The following RASSF3 variants were observed in gnomAD, a reference collection of about 807,000 sequenced individuals.
RASSF3 encodes Ras association domain family member 3, also known as ras association domain-containing protein 3.
In RASSF3, 19 loss-of-function variants were observed where a neutral mutation model predicts 19.9. The ratio of observed to expected loss-of-function variants is 0.96; its 90% CI spans 0.67 to 1.40. The LOEUF (loss-of-function observed/expected upper bound fraction) is 1.40, where lower values mean the gene tolerates loss of function less well. Ranked by LOEUF, RASSF3 falls within the 40% of genes most tolerant of loss-of-function variation. The pLI is 0.00. For synonymous variants in RASSF3, 110 were observed against 104.2 expected, an observed-to-expected ratio of 1.06 and a Z score of -0.34; for missense variants, 306 against 289.8, an observed-to-expected ratio of 1.06 and a Z score of -0.41.
At position 64,688,449 on chromosome 12, in the gene RASSF3, C is replaced by A. The variant is rs1329676022; in HGVS notation, c.453C>A (p.Asp151Glu). The A allele has an allele frequency of 1.2e-6, 2 of 1,606,856 alleles. No individual in the cohort carries two copies. Among genetic ancestry groups the A allele is most frequent in the South Asian group, 1.1e-5 (1 of 90,930 alleles). Residue 151 changes from aspartate to glutamate, a missense_variant, in exon 3 of 5, where the codon GAC becomes GAA. Transcript: ENST00000542104. ...FALYKRCHRE[D>E]QVYACKLSDR... ...TTTATAAGCGTTGTCACAGGGAAGA[C>A]CAAGGTACGCTGCCAGCTTAAAAGG...
intron 2 of RASSF3, among the ~76,000 whole-genome samples, chr12:64,600,289 A>G (rs192890038): frequency 4.6e-5 from 7 of 152,016 alleles, no homozygotes; most frequent in Non-Finnish European, 8.8e-5. Context: ...ATCCATCTCA[A>G]AACACACACA....
intron 1 of RASSF3, among the ~76,000 whole-genome samples, chr12:64,676,679 C>T (rs1404045511): frequency 4.6e-5 from 7 of 151,948 alleles, no homozygotes; most frequent in Non-Finnish European, 8.8e-5. Context: ...CCATGTTGGC[C>T]ACGCTGGTCT....
intron 1 of RASSF3, among the ~76,000 whole-genome samples, chr12:64,618,842 G>A (rs1049044228): frequency 2.0e-5 from 3 of 151,968 alleles, no homozygotes; most frequent in Admixed American, 6.6e-5. Context: ...CAATCGAAAC[G>A]TGGCTAGTCT....
intron 1 of RASSF3, among the ~76,000 whole-genome samples, chr12:64,658,449 T>C (rs1379325061): frequency 6.6e-6 from 1 of 152,168 alleles, no homozygotes; most frequent in East Asian, 1.9e-4. Flanking sequence ...ACACAATGTT[T>C]TTGCGCTTTG....
chr12:64,524,778 C>T (rs1354274827), intron 1 of RASSF3, among the ~76,000 whole-genome samples: 1 of 152,176 alleles, frequency 6.6e-6, no homozygotes, highest in African/African-American at 2.4e-5. Flanking sequence ...ATGCTTGGAA[C>T]CAAGGACTGC....
chr12:64,517,013 A>G (rs1352173126), intron 1 of RASSF3, among the ~76,000 whole-genome samples: 1 of 150,154 alleles, frequency 6.7e-6, no homozygotes, highest in Non-Finnish European at 1.5e-5. Flanking sequence ...AAAAAAAAAA[A>G]AAAAAAAAGA....
At chr12:64,574,286 G>A (rs897433872) in intron 2 of RASSF3, among the ~76,000 whole-genome samples, 7 of 151,208 alleles carry the variant, frequency 4.6e-5, no homozygotes, top group African/African-American at 1.7e-4. Context: ...ACTCCAGCCT[G>A]GGCGACAGAG....
At chr12:64,684,760 A>G (rs1320936232) in intron 1 of RASSF3, 27 bp from the exon 2 acceptor site, 2 of 1,495,162 alleles carry the variant, frequency 1.3e-6, no homozygotes, top group African/African-American at 1.4e-5. Flanking sequence ...GATTGCTCAC[A>G]TGTGACATGT....
chr12:64,667,214 T>G (rs1330812807), intron 1 of RASSF3, among the ~76,000 whole-genome samples: 1 of 152,112 alleles, frequency 6.6e-6, no homozygotes, highest in African/African-American at 2.4e-5. Flanking sequence ...ATGGTTTCTT[T>G]GCTGCAAGGG....
chr12:64,528,751 G>C (rs1868642100), upstream of RASSF3, among the ~76,000 whole-genome samples: 3 of 152,182 alleles, frequency 2.0e-5, no homozygotes, highest in Admixed American at 2.0e-4. Flanking sequence ...CACAGGGCAG[G>C]TGACGCTGAA....
chr12:64,534,163 A>G, intron 1 of RASSF3, among the ~76,000 whole-genome samples: 1 of 152,172 alleles, frequency 6.6e-6, no homozygotes, highest in Non-Finnish European at 1.5e-5. Flanking sequence ...TGGAAGACTG[A>G]GGCAGGAAGA....
downstream of RASSF3, among the ~76,000 whole-genome samples, chr12:64,543,421 G>GCCCGCCCGCCCCCCCCCCC (rs1565836074): frequency 1.8e-4 from 10 of 55,902 alleles, no homozygotes; most frequent in Admixed American, 3.6e-4. Context: ...CCCGCCCCCC[G>GCCCGCCCGCCCCCCCCCCC]GCTCCCCGCC....
intron 1 of RASSF3, among the ~76,000 whole-genome samples, chr12:64,623,458 G>C (rs1870866181): frequency 6.6e-6 from 1 of 152,174 alleles, no homozygotes; most frequent in Non-Finnish European, 1.5e-5. Context: ...AGGGGTACTT[G>C]ACTGTAGTGA....
rs1336345251 is a variant in RASSF3, at chr12:64,696,771, A to T, written c.*1859A>T. 1 of 152,152 alleles carries T rather than the reference A, an allele frequency of 6.6e-6. No homozygotes were observed. The highest frequency in any genetic ancestry group is 1.5e-5 in the Non-Finnish European group (1 of 68,026). 9.4% of individuals were successfully genotyped at this position (152,152 alleles called of 1,614,324 possible). A position where few individuals can be genotyped will look rare whatever the true frequency, so the allele number is the denominator to read the frequency against. On this transcript the variant is annotated 3_prime_UTR_variant, in exon 5 of 5. Coordinates refer to ENST00000542104, the MANE Select transcript of RASSF3 (RefSeq NM_178169.4). ...GTTGAAAAAAATAGAATTAGCTATA[A>T]AATATGTATGGCACATCTTGTTTAA...
At chr12:64,614,631 G>T (rs2136156676) in intron 1 of RASSF3, among the ~76,000 whole-genome samples, 1 of 151,550 alleles carries the variant, frequency 6.6e-6, no homozygotes, top group Admixed American at 6.6e-5. Context: ...ATAATTTTAT[G>T]GCTCCATATT....
At chr12:64,621,825 A>C (rs1248379386) in intron 1 of RASSF3, among the ~76,000 whole-genome samples, 1 of 152,230 alleles carries the variant, frequency 6.6e-6, no homozygotes, top group Non-Finnish European at 1.5e-5. Flanking sequence ...ACTGAAACTC[A>C]GAAAAATACT....
intron 2 of RASSF3, among the ~76,000 whole-genome samples, chr12:64,579,786 T>C (rs1482544018): frequency 1.3e-5 from 2 of 150,176 alleles, no homozygotes; most frequent in East Asian, 3.9e-4. Flanking sequence ...CTGAGTAGGG[T>C]ACAAAACTAG....
At chr12:64,640,166 A>T (rs973144266) in intron 1 of RASSF3, among the ~76,000 whole-genome samples, 1 of 152,174 alleles carries the variant, frequency 6.6e-6, no homozygotes, top group African/African-American at 2.4e-5. Context: ...TTTATTGAGT[A>T]TAATTGATAT....
At chr12:64,521,716 A>G (rs538050247) in intron 1 of RASSF3, among the ~76,000 whole-genome samples, 41 of 152,110 alleles carry the variant, frequency 2.7e-4, no homozygotes, top group Admixed American at 1.2e-3. Context: ...TGGCTGCTCT[A>G]TGTCTGTATT....
Sources: allele counts gnomAD v4.1 joint callset (sites outside exome capture counted in the v4.1 genomes callset), GRCh38; gene constraint gnomAD v4.1.1; transcripts MANE v1.5; gene names NCBI Gene and HGNC (gene_info 2026-07-23, HGNC 2026-07-21).